The following PABPC1 variants were observed in gnomAD, a reference collection of about 807,000 sequenced individuals.
The protein encoded by PABPC1 is polyadenylate-binding protein 1.
Under a neutral mutation model 74.0 loss-of-function variants are expected in PABPC1, and 4 were observed. That is an observed-to-expected ratio of 0.05 (90% CI 0.03 to 0.12). The LOEUF is 0.12. PABPC1 is among the 10% of genes least tolerant of loss of function. The probability of loss-of-function intolerance (pLI) is 1.00; values close to 1 mark genes in which losing one functional copy is unlikely to be tolerated. For synonymous variants in PABPC1, 227 were observed against 264.1 expected (o/e 0.86, Z 1.36); for missense variants, 271 against 821.1 (o/e 0.33, Z 8.19).
intron 13 of PABPC1, 29 bp downstream of exon 13, chr8:100,704,897 A>G: frequency 6.2e-7 from 1 of 1,610,478 alleles, no homozygotes; most frequent in South Asian, 1.1e-5. Context: ...ACTGTGTAAG[A>G]GGCAACTTGG....
intron 4 of PABPC1, 51 bp downstream of exon 4, chr8:100,715,411 T>C (rs1444611221): frequency 6.8e-7 from 1 of 1,479,760 alleles, no homozygotes; most frequent in African/African-American, 1.4e-5. Context: ...AAATTAACAC[T>C]GAGCACTAAT....
rs187791778 is a variant in PABPC1 at position 100,712,730 on chromosome 8, A to G, written c.798T>C (p.Ala266=). 2 of 1,613,198 alleles carry G rather than the reference A, an allele frequency of 1.2e-6. No individual in the cohort carries two copies. Among genetic ancestry groups the G allele is most frequent in the East Asian group, 2.2e-5 (1 of 44,834 alleles). ...CCGTCTGCCGTTCCACCTTTTTCTG[A>G]GCTCGACCAACATAAATTTGTTTTC... The part of the protein sequence containing the change: ...LNGKQIYVGR[A]QKKVERQTEL... Residue 266 remains alanine (A), a synonymous_variant, in exon 6 of 15, where the codon GCT becomes GCC. Coordinates refer to ENST00000318607, the MANE Select transcript of PABPC1 (RefSeq NM_002568.4).
chr8:100,705,083 C>T (rs756526527), intron 12 of PABPC1, 27 bp from the exon 13 acceptor site: 39 of 1,592,380 alleles, frequency 2.4e-5, no homozygotes, highest in Non-Finnish European at 3.1e-5. Flanking sequence ...TCAAAAACTC[C>T]CTTCAATAAA....
At chr8:100,713,324 A>G (rs1810578577) in intron 4 of PABPC1, 143 bp from the exon 5 acceptor site, 1 of 508,336 alleles carries the variant, frequency 2.0e-6, no homozygotes, top group Admixed American at 3.9e-5. Flanking sequence ...TGCCCCAGGT[A>G]GGTATACTTT....
At chr8:100,706,250 T>C (rs1481181705) in intron 11 of PABPC1, among the ~76,000 whole-genome samples, 1 of 152,252 alleles carries the variant, frequency 6.6e-6, no homozygotes, top group Non-Finnish European at 1.5e-5. Context: ...TTTTACATAC[T>C]ATCATATTAG....
Position 100,721,491 on chromosome 8 carries a change from G to A in PABPC1, c.93C>T (p.Phe31=). 1 of 1,612,116 alleles carries A rather than the reference G, an allele frequency of 6.2e-7. No individual in the cohort carries two copies. Among genetic ancestry groups the A allele is most frequent in the Non-Finnish European group, 8.5e-7 (1 of 1,179,018 alleles). ...DVTEAMLYEK[F]SPAGPILSIR... is the part of the protein sequence containing the mutation. The stretch of plus-strand genomic sequence containing the variant: ...TGGAGAGGATGGGCCCGGCCGGGCT[G>A]AACTTCTCGTAGAGCATCGCCTCGG... The change falls in exon 1 of 15, where the codon TTC becomes TTT. Residue 31 remains phenylalanine, a synonymous_variant. Coordinates refer to ENST00000318607, the MANE Select transcript of PABPC1 (RefSeq NM_002568.4). The surrounding 1 kb of genome is among the most constrained non-coding windows in gnomAD (Gnocchi z 7.4).
At chr8:100,720,979 G>A (rs1352982214) in intron 1 of PABPC1, among the ~76,000 whole-genome samples, 3 of 152,182 alleles carry the variant, frequency 2.0e-5, no homozygotes, top group African/African-American at 7.2e-5. Flanking sequence ...TCCTCCCCAG[G>A]CTGGGGCGCC....
chr8:100,710,194 T>C (rs1810489411), intron 7 of PABPC1, among the ~76,000 whole-genome samples: 1 of 152,168 alleles, frequency 6.6e-6, no homozygotes, highest in African/African-American at 2.4e-5. Flanking sequence ...CATCTTAAAA[T>C]AAAAGTTTTT....
rs776820655 is a variant in PABPC1 at position 100,706,714 on chromosome 8, A to G, written c.1539T>C (p.Tyr513=). 1.2e-5 allele frequency: 19 copies of G among 1,614,098 alleles called. No individual in the cohort carries two copies. Among genetic ancestry groups the G allele is most frequent in the Middle Eastern group, 3.3e-4 (2 of 6,084 alleles). ...PAVRTVPQYK[Y]AAGVRNPQQH... ...GCTGAGGATTGCGAACTCCTGCAGC[A>G]TATTTATACTGTGGAACGGTGCGGA... The change falls in exon 11 of 15, where the codon TAT becomes TAC. Residue 513 remains tyrosine (Y), a synonymous_variant. Transcript: ENST00000318607.
Position 100,706,944 on chromosome 8 carries a change from T to C in PABPC1, c.1390A>G (p.Ser464Gly), listed in dbSNP as rs1810395476. The C allele has an allele frequency of 1.2e-6, 2 of 1,614,190 alleles. No individual in the cohort carries two copies. Among genetic ancestry groups the C allele is most frequent in the Non-Finnish European group, 1.7e-6 (2 of 1,180,002 alleles). ...IRPAAPRPPF[S>G]TMRPASSQVP... ...TGTGAAGAAGCTGGTCTCATAGTAC[T>C]AAATGGTGGTCTAGGAGCAGCTGGG... The change falls in exon 10 of 15, where the codon AGT (serine) becomes GGT (glycine). Residue 464 changes from serine to glycine, a missense_variant. Ser to Gly is a moderately conservative substitution (Grantham distance 56, BLOSUM62 0). Transcript: ENST00000318607.
chr8:100,709,118 A>C lies in PABPC1; in HGVS notation c.1336+15T>G. On this transcript the variant is annotated intron_variant, in intron 9 of 14. Transcript: ENST00000318607. The stretch of plus-strand genomic sequence containing the variant: ...AACTCAATCCCCAACCTTAATTAAA[A>C]GAAAAAAGACTTACGATGAGGTCTG... 6.3e-7 allele frequency: 1 copy of C among 1,580,566 alleles called. No homozygotes were observed. The highest frequency in any genetic ancestry group is 8.6e-7 in the Non-Finnish European group (1 of 1,158,802).
chr8:100,704,077 A>C, intron 14 of PABPC1: 2 of 400,882 alleles, frequency 5.0e-6, no homozygotes, highest in Admixed American at 4.3e-5. Flanking sequence ...AAAAAAAAAC[A>C]CCACCTGAAA....
intron 4 of PABPC1, among the ~76,000 whole-genome samples, chr8:100,713,397 C>T (rs1810580316): frequency 6.6e-6 from 1 of 152,160 alleles, no homozygotes; most frequent in African/African-American, 2.4e-5. Context: ...AGGATTCCTC[C>T]TTCCATTTAA....
In PABPC1 at chr8:100,712,771, C is replaced by T. The variant is rs1284931108; in HGVS notation, c.757G>A (p.Gly253Arg). 3.1e-6 allele frequency: 5 copies of T among 1,602,674 alleles called. No individual in the cohort carries two copies. The highest frequency in any genetic ancestry group is 1.4e-5 in the African/African-American group (1 of 72,868). The change falls in exon 6 of 15, where the codon GGA (glycine) becomes AGA (arginine). Residue 253 changes from glycine to arginine, a missense_variant. By Grantham distance (125) the Gly-to-Arg change is moderately radical. Coordinates refer to ENST00000318607, the MANE Select transcript of PABPC1 (RefSeq NM_002568.4). ...DAQKAVDEMN[G>R]KELNGKQIYV... ...ATTTGTTTTCCATTGAGCTCCTTTCCGTTCATCTCATCCACAGCCTTCCCC... is the reference window on the plus strand; with the variant it reads ...ATTTGTTTTCCATTGAGCTCCTTTCTGTTCATCTCATCCACAGCCTTCCCC...
At chr8:100,703,893 T>C (rs1810310687) in intron 14 of PABPC1, among the ~76,000 whole-genome samples, 2 of 151,766 alleles carry the variant, frequency 1.3e-5, no homozygotes, top group Non-Finnish European at 2.9e-5. Context: ...CTAGTAAAAA[T>C]ACAAAAATTA....
In PABPC1 at chr8:100,706,817, G is replaced by C. The variant is rs1401137771; in HGVS notation, c.1448-12C>G. 4 of 1,179,030 alleles carry C rather than the reference G, an allele frequency of 3.4e-6. No homozygotes were observed. Among genetic ancestry groups the C allele is most frequent in the Admixed American group, 3.0e-5 (1 of 33,398 alleles). 73.0% of individuals were successfully genotyped at this position (1,179,030 alleles called of 1,614,324 possible). On this transcript the variant is annotated splice_polypyrimidine_tract_variant and intron_variant, in intron 10 of 14. Coordinates refer to ENST00000318607, the MANE Select transcript of PABPC1 (RefSeq NM_002568.4). ...TGTTGATGTGTTAGCTAAAAAATAAGAACATTTTGTATTTTTATCTTGCTC... is the reference window on the plus strand; with the variant it reads ...TGTTGATGTGTTAGCTAAAAAATAACAACATTTTGTATTTTTATCTTGCTC...
chr8:100,719,532 TTAAG>T (rs971340924), intron 1 of PABPC1, among the ~76,000 whole-genome samples: 1 of 152,164 alleles, frequency 6.6e-6, no homozygotes, highest in African/African-American at 2.4e-5. Flanking sequence ...AGAAATCCAC[TTAAG>T]TAATTAATTG....
rs1316275777 is a variant in PABPC1, at chr8:100,721,988, G to T, written c.-405C>A. On this transcript the variant is annotated 5_prime_UTR_variant, in exon 1 of 15. Transcript: ENST00000318607. This position sits in a 1 kb window ranked among gnomAD's most constrained non-coding sequence, Gnocchi z 7.4. ...TAAATTTTTTTGGGGTTTTTTAAAAGATTTTTTTAGATTTTTTTTGGATTT... is the reference window on the plus strand; with the variant it reads ...TAAATTTTTTTGGGGTTTTTTAAAATATTTTTTTAGATTTTTTTTGGATTT... The T allele has an allele frequency of 2.5e-5, 4 of 162,658 alleles. No individual in the cohort carries two copies. The highest frequency in any genetic ancestry group is 9.7e-5 in the African/African-American group (4 of 41,070). 10.1% of individuals were successfully genotyped at this position (162,658 alleles called of 1,614,324 possible). A position where few individuals can be genotyped will look rare whatever the true frequency, so the allele number is the denominator to read the frequency against.
chr8:100,715,680 G>A, intron 3 of PABPC1, 79 bp from the exon 4 acceptor site: 2 of 1,008,414 alleles, frequency 2.0e-6, no homozygotes, highest in Admixed American at 5.5e-5. Flanking sequence ...GGTTGGTTTT[G>A]TTACTGTTAA....
Sources: gnomAD v4.1 joint callset for allele counts (sites outside exome capture counted in the v4.1 genomes callset) on GRCh38, gnomAD v4.1.1 for gene constraint, Gnocchi (gnomAD v3.1) non-coding constraint, MANE v1.5 for transcripts, NCBI Gene and HGNC (gene_info 2026-07-23, HGNC 2026-07-21) for gene names.